FRMD4A: variants seen among roughly 807,000 people sequenced by gnomAD.
FRMD4A encodes FERM domain-containing protein 4A.
FRMD4A carries 29 observed loss-of-function variants against 129.1 expected under a neutral mutation model. That is an observed-to-expected ratio of 0.22 (90% CI 0.17 to 0.31). FRMD4A has a LOEUF of 0.31. FRMD4A is among the 10% of genes least tolerant of loss of function. The pLI is 1.00. For missense variants in FRMD4A, 1,272 were observed against 1,375.8 expected (o/e 0.92, Z 1.19); for synonymous variants, 634 against 571.6 (o/e 1.11, Z -1.56).
chr10:13,991,578 C>T (rs545363689), intron 2 of FRMD4A, among the ~76,000 whole-genome samples: 4 of 152,302 alleles, frequency 2.6e-5, no homozygotes, highest in African/African-American at 9.6e-5. Context: ...TCATTCCCTT[C>T]TGGGAAAAAA....
intron 5 of FRMD4A, among the ~76,000 whole-genome samples, chr10:13,795,672 TTG>T (rs2093100597): frequency 2.6e-5 from 4 of 152,182 alleles, no homozygotes; most frequent in Admixed American, 2.6e-4. Context: ...GCTTCTGTAA[TTG>T]TGTTGCAATC....
intron 12 of FRMD4A, among the ~76,000 whole-genome samples, chr10:13,737,249 C>A (rs1200510826): frequency 6.6e-6 from 1 of 152,138 alleles, no homozygotes; most frequent in Non-Finnish European, 1.5e-5. Context: ...ACCACCATGC[C>A]CAGCTAATTT....
At chr10:14,173,239 G>T (rs1338640869) in intron 2 of FRMD4A, among the ~76,000 whole-genome samples, 7 of 152,162 alleles carry the variant, frequency 4.6e-5, no homozygotes, top group Non-Finnish European at 7.3e-5. Flanking sequence ...TCCATTTAGA[G>T]TTATAGGTAA....
chr10:13,702,582 G>A (rs1317668929), intron 13 of FRMD4A, among the ~76,000 whole-genome samples: 1 of 151,858 alleles, frequency 6.6e-6, no homozygotes, highest in East Asian at 1.9e-4. Flanking sequence ...ATGCATGTGA[G>A]ACAAGTTGAC....
chr10:13,752,210 GT>G (rs1479138049), intron 8 of FRMD4A, among the ~76,000 whole-genome samples: 2 of 152,130 alleles, frequency 1.3e-5, no homozygotes, highest in Admixed American at 6.6e-5. Context: ...ATTTAGTGGT[GT>G]TTTTTTCTTT....
intron 2 of FRMD4A, among the ~76,000 whole-genome samples, chr10:13,949,248 C>A (rs1286516015): frequency 6.8e-6 from 1 of 146,652 alleles, no homozygotes; most frequent in Non-Finnish European, 1.5e-5. Flanking sequence ...CGTTGTTGGC[C>A]CTGGTATGGG....
chr10:13,680,432 A>C (rs184428060), intron 15 of FRMD4A, among the ~76,000 whole-genome samples: 116 of 148,342 alleles, frequency 7.8e-4, no homozygotes, highest in South Asian at 2.5e-3. Flanking sequence ...CCCCTTGGAA[A>C]TTAAAAAAAA....
intron 2 of FRMD4A, among the ~76,000 whole-genome samples, chr10:14,311,862 T>C (rs1310715120): frequency 6.6e-6 from 1 of 152,170 alleles, no homozygotes; most frequent in African/African-American, 2.4e-5. Flanking sequence ...GGCCTTTTGT[T>C]ACTCAAGTTT....
chr10:13,785,210 T>C (rs1269332862), intron 5 of FRMD4A, among the ~76,000 whole-genome samples: 1 of 152,224 alleles, frequency 6.6e-6, no homozygotes, highest in Admixed American at 6.5e-5. Flanking sequence ...TCAAGTTTTT[T>C]TGAAATTGGT....
intron 8 of FRMD4A, among the ~76,000 whole-genome samples, chr10:13,761,430 C>T (rs182112079): frequency 7.2e-5 from 11 of 152,308 alleles, no homozygotes; most frequent in East Asian, 1.9e-4. Context: ...CAGTAATCTC[C>T]GGGCTTTGCA....
chr10:14,104,554 C>T (rs1372212710), intron 2 of FRMD4A, among the ~76,000 whole-genome samples: 3 of 152,236 alleles, frequency 2.0e-5, no homozygotes, highest in Non-Finnish European at 4.4e-5. Context: ...CCCTGAGGCT[C>T]TACGGTGGCC....
intron 12 of FRMD4A, among the ~76,000 whole-genome samples, chr10:13,718,238 G>C (rs1253644067): frequency 6.6e-6 from 1 of 152,272 alleles, no homozygotes; most frequent in East Asian, 1.9e-4. Context: ...GCCAGGGAGT[G>C]AGGCGGGTGA....
intron 2 of FRMD4A, among the ~76,000 whole-genome samples, chr10:13,922,035 G>A (rs1405544754): frequency 6.6e-6 from 1 of 152,144 alleles, no homozygotes; most frequent in Non-Finnish European, 1.5e-5. Flanking sequence ...CTTAGAAGAG[G>A]AAGAAGAGAG....
At chr10:13,767,800 C>T (rs998808464) in intron 6 of FRMD4A, among the ~76,000 whole-genome samples, 2 of 152,130 alleles carry the variant, frequency 1.3e-5, no homozygotes, top group African/African-American at 2.4e-5. Context: ...GGTGAAGCCC[C>T]CCGTGCTCTT....
chr10:13,915,946 G>A (rs1223526278), intron 2 of FRMD4A, among the ~76,000 whole-genome samples: 5 of 152,182 alleles, frequency 3.3e-5, no homozygotes, highest in African/African-American at 1.2e-4. Flanking sequence ...TGGGGGGTTG[G>A]CTCAGGCACT....
At chr10:13,935,015 C>A (rs1029681733) in intron 2 of FRMD4A, among the ~76,000 whole-genome samples, 2 of 152,176 alleles carry the variant, frequency 1.3e-5, no homozygotes, top group African/African-American at 4.8e-5. Context: ...CTCTCTAGGG[C>A]CTCTTTTACA....
At chr10:13,993,968 G>A (rs1163819246) in intron 2 of FRMD4A, among the ~76,000 whole-genome samples, 1 of 151,238 alleles carries the variant, frequency 6.6e-6, no homozygotes, top group Non-Finnish European at 1.5e-5. Flanking sequence ...TGAAAATCAA[G>A]CCTGGGGCAG....
At chr10:14,166,233 TAA>T (rs1841169898) in intron 2 of FRMD4A, among the ~76,000 whole-genome samples, 3 of 150,836 alleles carry the variant, frequency 2.0e-5, no homozygotes, top group South Asian at 2.1e-4. Context: ...TATAATATAT[TAA>T]GTTTCAATAC....
At chr10:13,905,801 C>T (rs746083916) in intron 2 of FRMD4A, among the ~76,000 whole-genome samples, 4 of 152,140 alleles carry the variant, frequency 2.6e-5, no homozygotes, top group Admixed American at 1.3e-4. Flanking sequence ...AAGTGCATTC[C>T]GTTTTTTCCG....
Sources: allele counts gnomAD v4.1 joint callset (sites outside exome capture counted in the v4.1 genomes callset), GRCh38; gene constraint gnomAD v4.1.1; transcripts MANE v1.5; gene names NCBI Gene and HGNC (gene_info 2026-07-23, HGNC 2026-07-21).